KALRN: variants seen among roughly 807,000 people sequenced by gnomAD.
KALRN encodes the protein kalirin.
KALRN carries 70 observed loss-of-function variants against 353.7 expected under a neutral mutation model. The observed-to-expected ratio is 0.20, with a 90% CI of 0.16 to 0.24. The LOEUF is 0.24. Ranked by LOEUF, KALRN falls within the 10% of genes least tolerant of loss-of-function variation. The pLI is 1.00. For synonymous variants in KALRN, 1,391 were observed against 1,434.8 expected (o/e 0.97, Z 0.69); for missense variants, 2,791 against 3,756.7 (o/e 0.74, Z 6.72).
rs2084776012 is a variant in KALRN, at chr3:124,660,851, A to T, written c.6217-72A>T. Reference sequence around the variant, plus strand: ...TCCAGGGTGTTATTGTATTTTTATGATAAGTTTTTTCCCAGCTATTTTACT... The same window carrying T: ...TCCAGGGTGTTATTGTATTTTTATGTTAAGTTTTTTCCCAGCTATTTTACT... On this transcript the variant is annotated intron_variant, in intron 43 of 59. Coordinates refer to ENST00000682506, the MANE Select transcript of KALRN (RefSeq NM_001388419.1). 4 of 1,047,006 alleles carry T rather than the reference A, an allele frequency of 3.8e-6. No individual in the cohort carries two copies. The South Asian group carries it at 5.0e-5, about 13-fold the overall frequency. 64.9% of individuals were successfully genotyped at this position (1,047,006 alleles called of 1,614,324 possible). A position where few individuals can be genotyped will look rare whatever the true frequency, so the allele number is the denominator to read the frequency against.
intron 19 of KALRN, among the ~76,000 whole-genome samples, chr3:124,442,466 T>A (rs550657273): frequency 1.3e-5 from 2 of 152,342 alleles, no homozygotes; most frequent in Admixed American, 6.5e-5. Flanking sequence ...TCCTGGTTAA[T>A]ATATTGAACA....
intron 10 of KALRN, among the ~76,000 whole-genome samples, chr3:124,379,085 A>T (rs1340732048): frequency 2.6e-5 from 4 of 152,058 alleles, no homozygotes; most frequent in African/African-American, 4.8e-5. Flanking sequence ...CAGATGCTTT[A>T]TTTTTAAAAT....
intron 33 of KALRN, among the ~76,000 whole-genome samples, chr3:124,528,914 A>AG (rs971779226): frequency 2.2e-4 from 33 of 152,104 alleles, no homozygotes; most frequent in African/African-American, 7.0e-4. Context: ...TGTGCTCAGC[A>AG]GGGGGGGCTC....
At chr3:124,670,875 A>G (rs1226350079) in intron 47 of KALRN, among the ~76,000 whole-genome samples, 1 of 152,122 alleles carries the variant, frequency 6.6e-6, no homozygotes, top group Non-Finnish European at 1.5e-5. Context: ...AGTTCCACTG[A>G]CTGCCATCCT....
chr3:124,320,100 G>A (rs147348642), intron 6 of KALRN, among the ~76,000 whole-genome samples: 1 of 152,154 alleles, frequency 6.6e-6, no homozygotes, highest in African/African-American at 2.4e-5. Context: ...TTTATATTTT[G>A]TATTAGCTTT....
Position 124,398,617 on chromosome 3 carries a change from G to A in KALRN, c.2172-80G>A, listed in dbSNP as rs557365938. ...TGATTCACATCCACCTTGCTCAGAT[G>A]AGGAAGATCCCCCTCCTCCTCTGTC... is the stretch of plus-strand genomic sequence containing the variant. On this transcript the variant is annotated intron_variant, in intron 12 of 59. Transcript: ENST00000682506. 102 of 1,424,658 alleles carry A rather than the reference G, an allele frequency of 7.2e-5. No homozygotes were observed. In the South Asian group the frequency reaches 1.1e-3, roughly 15 times the overall value. 88.3% of individuals were successfully genotyped at this position (1,424,658 alleles called of 1,614,324 possible). A position where few individuals can be genotyped will look rare whatever the true frequency, so the allele number is the denominator to read the frequency against.
chr3:124,337,787 T>A (rs570762924), intron 9 of KALRN, among the ~76,000 whole-genome samples: 1 of 152,316 alleles, frequency 6.6e-6, no homozygotes, highest in African/African-American at 2.4e-5. Flanking sequence ...CGTTTTTTTG[T>A]TGGTAGACTA....
chr3:124,503,903 A>G (rs183552877), intron 33 of KALRN, among the ~76,000 whole-genome samples: 31 of 152,340 alleles, frequency 2.0e-4, no homozygotes, highest in Admixed American at 4.6e-4. Context: ...TATTTTACTT[A>G]ATATTTTGAT....
chr3:124,069,574 A>G (rs1024738196), intron 1 of KALRN, among the ~76,000 whole-genome samples: 1 of 152,254 alleles, frequency 6.6e-6, no homozygotes, highest in Non-Finnish European at 1.5e-5. Context: ...TGTATAGCAC[A>G]AAAGTAGAAA....
intron 1 of KALRN, among the ~76,000 whole-genome samples, chr3:124,217,679 G>A (rs2077473806): frequency 6.6e-6 from 1 of 152,010 alleles, no homozygotes; most frequent in African/African-American, 2.4e-5. Context: ...AGACAGCATG[G>A]ACAGCAGCCA....
rs147801025 is a variant in KALRN, at chr3:124,612,482, C to T, written c.5183-19938C>T. Among the ~76,000 whole-genome samples, 660 of 152,226 alleles carry T rather than the reference C, an allele frequency of 4.3e-3. 4 individuals are homozygous for T. The highest frequency in any genetic ancestry group is 0.015 in the African/African-American group (623 of 41,540). On this transcript the variant is annotated intron_variant, in intron 34 of 59. Transcript: ENST00000682506. ...CCTCCCAAAGTGCTGGGATTACAGG[C>T]GTGAGCCACCGCGCCCAGCAATTTT...
intron 9 of KALRN, among the ~76,000 whole-genome samples, chr3:124,343,736 G>C (rs946211531): frequency 6.6e-6 from 1 of 152,196 alleles, no homozygotes; most frequent in Non-Finnish European, 1.5e-5. Flanking sequence ...CAGAGAAGAT[G>C]CGTTTGGCTG....
intron 1 of KALRN, among the ~76,000 whole-genome samples, chr3:124,180,743 CTT>C (rs1257595451): frequency 6.6e-6 from 1 of 152,114 alleles, no homozygotes; most frequent in Non-Finnish European, 1.5e-5. Context: ...CCCTGGCTCT[CTT>C]TTCCCACACA....
intron 33 of KALRN, among the ~76,000 whole-genome samples, chr3:124,550,256 G>A (rs531995879): frequency 6.5e-4 from 99 of 152,308 alleles, no homozygotes; most frequent in African/African-American, 2.2e-3. Context: ...GGATGGACAG[G>A]TAGTTCATCT....
In KALRN at chr3:124,334,873, C is replaced by A. The variant is rs1179479294; in HGVS notation, c.1647+378C>A. 6.6e-6 allele frequency among the ~76,000 whole-genome samples: 1 copy of A among 152,198 alleles called. No homozygotes were observed. The highest frequency in any genetic ancestry group is 1.5e-5 in the Non-Finnish European group (1 of 68,036). On this transcript the variant is annotated intron_variant, in intron 9 of 59. Transcript: ENST00000682506. This position sits in a 1 kb window ranked among gnomAD's most constrained non-coding sequence, Gnocchi z 4.2. ...ATAGTGGTGTGATCTTGGCTCACTG[C>A]AACCTCCGCTTTCTGGGTTCAAGCG... is the stretch of plus-strand genomic sequence containing the variant.
chr3:124,371,862 T>C (rs1187289024), intron 10 of KALRN, among the ~76,000 whole-genome samples: 1 of 152,212 alleles, frequency 6.6e-6, no homozygotes, highest in Non-Finnish European at 1.5e-5. Flanking sequence ...AGTCATCCTA[T>C]TGTGCTATCA....
At chr3:124,044,870 C>A (rs1301450904) in intron 1 of KALRN, among the ~76,000 whole-genome samples, 1 of 25,994 alleles carries the variant, frequency 3.8e-5, no homozygotes. Context: ...TCCTTCCTTC[C>A]TTCCTTCCTT....
intron 7 of KALRN, among the ~76,000 whole-genome samples, chr3:124,328,348 G>A (rs1421297208): frequency 2.0e-5 from 3 of 152,170 alleles, no homozygotes; most frequent in African/African-American, 7.2e-5. Flanking sequence ...AGATTGGTAA[G>A]GAAGACCCAA....
intron 25 of KALRN, among the ~76,000 whole-genome samples, chr3:124,468,208 G>A (rs2060531633): frequency 6.6e-6 from 1 of 152,236 alleles, no homozygotes; most frequent in South Asian, 2.1e-4. Flanking sequence ...TAACAGGGAA[G>A]TTAAATTTTG....
Sources: gnomAD v4.1 joint callset for allele counts (sites outside exome capture counted in the v4.1 genomes callset) on GRCh38, gnomAD v4.1.1 for gene constraint, Gnocchi (gnomAD v3.1) non-coding constraint, MANE v1.5 for transcripts, NCBI Gene and HGNC (gene_info 2026-07-23, HGNC 2026-07-21) for gene names.